Variants in DAOA observed in about 807,000 individuals in gnomAD.
DAOA encodes the protein D-amino acid oxidase regulator.
DAOA carries 15 observed loss-of-function variants against 16.4 expected under a neutral mutation model. That is an observed-to-expected ratio of 0.91 (90% confidence interval 0.61 to 1.41). DAOA has a LOEUF of 1.41. DAOA is among the 40% of genes most tolerant of loss of function. The pLI is 0.00. For missense variants in DAOA, 230 were observed against 176.8 expected (o/e 1.30, Z -1.71); for synonymous variants, 75 against 59.1 (o/e 1.27, Z -1.23).
chr13:105,473,474 T>C (rs1877132363), intron 4 of DAOA, among the ~76,000 whole-genome samples: 1 of 152,150 alleles, frequency 6.6e-6, no homozygotes, highest in African/African-American at 2.4e-5. Flanking sequence ...CAAAATATTA[T>C]TTTTTAAAAT....
At chr13:105,483,564 T>C (rs1877897192) in intron 4 of DAOA, among the ~76,000 whole-genome samples, 1 of 151,978 alleles carries the variant, frequency 6.6e-6, no homozygotes, top group Admixed American at 6.5e-5. Flanking sequence ...AAGAGGGCAG[T>C]GCTATCTTGT....
rs1566371601 is a variant in DAOA at position 105,467,152 on chromosome 13, CTT to C, written c.133+13_133+14del. The C allele has an allele frequency of 6.3e-7, 1 of 1,586,516 alleles. No individual in the cohort carries two copies. Reference sequence around the variant, plus strand: ...CTCTAAACTCTATTGGTATGTTACTCTTTATCTTTATATGAATTTAAATTCTT... The same window carrying C: ...CTCTAAACTCTATTGGTATGTTACTCTATCTTTATATGAATTTAAATTCTT... On this transcript the variant is annotated intron_variant, in intron 3 of 5. Transcript: ENST00000375936.
intron 5 of DAOA, chr13:105,490,460 G>T (rs1416524149): frequency 6.6e-6 from 1 of 152,466 alleles, no homozygotes; most frequent in Non-Finnish European, 1.5e-5. Context: ...GAATTTATGT[G>T]GGAAAATATT....
intron 4 of DAOA, 109 bp downstream of exon 4, chr13:105,472,794 T>A (rs1328194714): frequency 1.1e-6 from 1 of 948,446 alleles, no homozygotes; most frequent in Non-Finnish European, 1.5e-6. Context: ...TTATACTTCA[T>A]GTTGAACTTT....
chr13:105,472,527 T>C lies in DAOA; in HGVS notation c.134-11T>C. 2 of 1,612,394 alleles carry C rather than the reference T, an allele frequency of 1.2e-6. No homozygotes were observed. Among genetic ancestry groups the C allele is most frequent in the East Asian group, 4.5e-5 (2 of 44,764 alleles). On this transcript the variant is annotated splice_polypyrimidine_tract_variant and intron_variant, in intron 3 of 5. Coordinates refer to ENST00000375936, the MANE Select transcript of DAOA (RefSeq NM_172370.5). ...AATATGTATTATATATCCACTTAAA[T>C]ACTGTTGCAGCAAAGGAGACAGAAG...
chr13:105,468,426 C>T (rs1466185970), intron 3 of DAOA, among the ~76,000 whole-genome samples: 1 of 152,106 alleles, frequency 6.6e-6, no homozygotes, highest in African/African-American at 2.4e-5. Flanking sequence ...TCTTTGAGTG[C>T]CAAGTTTAGA....
Position 105,472,612 on chromosome 13 carries a change from T to G in DAOA, c.208T>G (p.Leu70Val), listed in dbSNP as rs763053023. The change falls in exon 4 of 6, where the codon TTG becomes GTG. Residue 70 changes from leucine to valine, a missense_variant. Leu to Val is a conservative substitution (Grantham distance 32). Transcript: ENST00000375936. ...GAAGAGAAGGCATGAGGACGGCTATTTGGAAATGGCACAGAGGCATTTACA... is the reference window on the plus strand; with the variant it reads ...GAAGAGAAGGCATGAGGACGGCTATGTGGAAATGGCACAGAGGCATTTACA... ...GWKRRHEDGY[L>V]EMAQRHLQRS... The G allele has an allele frequency of 6.2e-7, 1 of 1,614,014 alleles. No homozygotes were observed. The highest frequency in any genetic ancestry group is 1.1e-5 in the South Asian group (1 of 91,070).
chr13:105,486,017 C>T (rs9558571), intron 4 of DAOA, among the ~76,000 whole-genome samples: 43,021 of 152,112 alleles, frequency 0.28, 7,569 homozygotes, highest in East Asian at 0.57. Flanking sequence ...TGACAAGAGC[C>T]ACTTCAGCTC....
At chr13:105,478,762 C>T (rs1357649997) in intron 4 of DAOA, among the ~76,000 whole-genome samples, 1 of 152,168 alleles carries the variant, frequency 6.6e-6, no homozygotes, top group African/African-American at 2.4e-5. Flanking sequence ...CATGCCCCTT[C>T]TTCTAAATTC....
intron 4 of DAOA, among the ~76,000 whole-genome samples, chr13:105,486,618 T>C (rs1351283012): frequency 1.7e-5 from 2 of 117,008 alleles, no homozygotes; most frequent in African/African-American, 2.8e-5. Flanking sequence ...TCTTTCTTTC[T>C]TTCTTTTTTT....
intron 4 of DAOA, among the ~76,000 whole-genome samples, chr13:105,473,586 G>A (rs1441622425): frequency 6.6e-6 from 1 of 152,020 alleles, no homozygotes; most frequent in African/African-American, 2.4e-5. Context: ...AAGCCCTTTA[G>A]TTTGCCACGC....
chr13:105,490,215 A>T (rs1878422506), intron 5 of DAOA, 23 bp downstream of exon 5: 1 of 1,069,816 alleles, frequency 9.3e-7, no homozygotes, highest in Non-Finnish European at 1.2e-6. Flanking sequence ...ATAAAATTAT[A>T]TTTTTATGAA....
chr13:105,475,487 T>C (rs1314762548), intron 4 of DAOA, among the ~76,000 whole-genome samples: 2 of 151,866 alleles, frequency 1.3e-5, no homozygotes, highest in East Asian at 1.9e-4. Flanking sequence ...AATGGTTCTC[T>C]TGTCAGAGGA....
chr13:105,469,255 ACC>A (rs1876759707), intron 3 of DAOA, among the ~76,000 whole-genome samples: 1 of 152,182 alleles, frequency 6.6e-6, no homozygotes, highest in Admixed American at 6.5e-5. Flanking sequence ...CACTGTCTTA[ACC>A]ACCTAGGTGT....
rs998643202 is a variant in DAOA, at chr13:105,468,022, T to C, written c.133+881T>C. On this transcript the variant is annotated intron_variant, in intron 3 of 5. Coordinates refer to ENST00000375936, the MANE Select transcript of DAOA (RefSeq NM_172370.5). ...GTCCATTCTCTTGCCTGCCCCAGCTTCTGGAGGCCTCCTGCATGCCTTGGC... is the reference window on the plus strand; with the variant it reads ...GTCCATTCTCTTGCCTGCCCCAGCTCCTGGAGGCCTCCTGCATGCCTTGGC... Among the ~76,000 whole-genome samples, 10 of 152,146 alleles carry C rather than the reference T, an allele frequency of 6.6e-5. 1 individual carries two copies. Among genetic ancestry groups the C allele is most frequent in the African/African-American group, 2.4e-4 (10 of 41,430 alleles).
At position 105,474,152 on chromosome 13, in the gene DAOA, A is replaced by G. The variant is rs868344806; in HGVS notation, c.281+1467A>G. Among the ~76,000 whole-genome samples, 3 of 152,246 alleles carry G rather than the reference A, an allele frequency of 2.0e-5. No homozygotes were observed. In the Middle Eastern group the frequency reaches 0.01, roughly 518 times the overall value. ...ATGATAACTTTTATTATTATAAGTA[A>G]TGAAATTATTTATTTATACTGAATG... On this transcript the variant is annotated intron_variant, in intron 4 of 5. Coordinates refer to ENST00000375936, the MANE Select transcript of DAOA (RefSeq NM_172370.5).
chr13:105,467,884 A>G (rs928848440), intron 3 of DAOA, among the ~76,000 whole-genome samples: 1 of 152,152 alleles, frequency 6.6e-6, no homozygotes, highest in Non-Finnish European at 1.5e-5. Context: ...TTAGTGGTGA[A>G]AAAAACAAGC....
chr13:105,466,868 C>G, intron 2 of DAOA, 185 bp from the exon 3 acceptor site: 2 of 769,190 alleles, frequency 2.6e-6, no homozygotes, highest in Non-Finnish European at 3.5e-6. Flanking sequence ...AAAAAAAATG[C>G]AAACCTCAAT....
intron 3 of DAOA, among the ~76,000 whole-genome samples, chr13:105,471,557 G>C (rs1385059874): frequency 2.6e-5 from 4 of 152,276 alleles, no homozygotes; most frequent in Non-Finnish European, 4.4e-5. Context: ...TATTTGTCTA[G>C]AAAGTAGGTT....
Sources: gnomAD v4.1 joint callset for allele counts (sites outside exome capture counted in the v4.1 genomes callset) on GRCh38, gnomAD v4.1.1 for gene constraint, MANE v1.5 for transcripts, NCBI Gene and HGNC (gene_info 2026-07-23, HGNC 2026-07-21) for gene names.